The following FAM184A variants were observed in gnomAD, a reference collection of about 807,000 sequenced individuals.
The protein encoded by FAM184A is protein FAM184A.
FAM184A carries 99 observed loss-of-function variants against 143.8 expected under a neutral mutation model. The observed-to-expected ratio is 0.69, with a 90% CI of 0.58 to 0.81. FAM184A has a LOEUF of 0.81. FAM184A is among the 40% of genes least tolerant of loss of function. The pLI is 0.00. For missense variants in FAM184A, 1,217 were observed against 1,310.5 expected (o/e 0.93, Z 1.10); for synonymous variants, 427 against 446.4 (o/e 0.96, Z 0.55).
intron 1 of FAM184A, among the ~76,000 whole-genome samples, chr6:119,025,041 T>A (rs572962686): frequency 3.7e-4 from 56 of 152,344 alleles, no homozygotes; most frequent in Non-Finnish European, 6.5e-4. Flanking sequence ...GACTTTTTAG[T>A]TATAATTTTA....
At chr6:119,026,430 G>A (rs1317951629) in intron 1 of FAM184A, among the ~76,000 whole-genome samples, 1 of 151,934 alleles carries the variant, frequency 6.6e-6, no homozygotes, top group African/African-American at 2.4e-5. Context: ...AAGTCAAATG[G>A]CCATAAAAGA....
At chr6:119,069,047 A>G in intron 1 of FAM184A, 1 of 389,548 alleles carries the variant, frequency 2.6e-6, no homozygotes, top group Non-Finnish European at 5.4e-6. Flanking sequence ...AATATATGTG[A>G]AGTATTAGGT....
chr6:119,015,387 T>C (rs1785210520), intron 5 of FAM184A, among the ~76,000 whole-genome samples: 1 of 152,038 alleles, frequency 6.6e-6, no homozygotes, highest in Admixed American at 6.5e-5. Context: ...GAGTTCTGGG[T>C]GGGTGTGGGC....
In FAM184A at chr6:119,057,986, A is replaced by C. The variant is rs1040735262; in HGVS notation, c.159+20155T>G. Reference sequence around the variant, plus strand: ...ATGACTGGCTTTAAAAAAAAAAAAAAAAAACTTTGTGGCTAACCACTGAAA... The same window carrying C: ...ATGACTGGCTTTAAAAAAAAAAAAACAAAACTTTGTGGCTAACCACTGAAA... On this transcript the variant is annotated intron_variant, in intron 1 of 17. Coordinates refer to ENST00000338891, the MANE Select transcript of FAM184A (RefSeq NM_024581.6). 12 of 151,498 alleles carry C rather than the reference A, an allele frequency of 7.9e-5. No individual in the cohort carries two copies. The Middle Eastern group carries it at 0.014, about 171-fold the overall frequency. The allele number at this position is 151,498 out of a possible 1,614,324, so 9.4% of individuals were successfully genotyped here. A position where few individuals can be genotyped will look rare whatever the true frequency, so the allele number is the denominator to read the frequency against.
chr6:119,010,638 A>G (rs1785060394), intron 6 of FAM184A, among the ~76,000 whole-genome samples: 2 of 152,064 alleles, frequency 1.3e-5, no homozygotes, highest in African/African-American at 4.8e-5. Flanking sequence ...CCTCTTTTTA[A>G]ATTTTGCTTA....
chr6:119,012,657 TG>T (rs1033659542), intron 5 of FAM184A, among the ~76,000 whole-genome samples: 1 of 152,212 alleles, frequency 6.6e-6, no homozygotes, highest in African/African-American at 2.4e-5. Flanking sequence ...TCCTGTCACA[TG>T]TCAAAATTCC....
At chr6:119,025,685 G>GTGAAAT (rs1351156934) in intron 1 of FAM184A, 1 of 497,706 alleles carries the variant, frequency 2.0e-6, no homozygotes, top group Non-Finnish European at 4.0e-6. Flanking sequence ...TGGTCACACG[G>GTGAAAT]TGAAATTTTC....
At position 119,078,288 on chromosome 6, in the gene FAM184A, CG is replaced by C; in HGVS notation, c.11del (p.Pro4ArgfsTer3). MAT[P>X]GMSWQQHYYG... Reference sequence around the variant, plus strand: ...AATAGTGCTGCTGCCAGCTCATGCCCGGGGTCGCCATCTTCCCAACAGACCC... The same window carrying C: ...AATAGTGCTGCTGCCAGCTCATGCCCGGGTCGCCATCTTCCCAACAGACCC... On this transcript the variant is annotated frameshift_variant, in exon 1 of 18. Coordinates refer to ENST00000338891, the MANE Select transcript of FAM184A (RefSeq NM_024581.6). LOFTEE classifies it high-confidence loss of function. The surrounding 1 kb of genome is among the most constrained non-coding windows in gnomAD (Gnocchi z 5.5). The C allele has an allele frequency of 6.7e-7, 1 of 1,498,136 alleles. No homozygotes were observed. 92.8% of individuals were successfully genotyped at this position (1,498,136 alleles called of 1,614,324 possible). A position where few individuals can be genotyped will look rare whatever the true frequency, so the allele number is the denominator to read the frequency against.
chr6:118,976,302 C>T (rs1453746472), intron 11 of FAM184A, among the ~76,000 whole-genome samples: 1 of 152,040 alleles, frequency 6.6e-6, no homozygotes, highest in Non-Finnish European at 1.5e-5. Context: ...TTTATACATG[C>T]TTTCAGTATG....
At chr6:119,017,152 T>TA (rs1404715474) in intron 4 of FAM184A, among the ~76,000 whole-genome samples, 1 of 152,154 alleles carries the variant, frequency 6.6e-6, no homozygotes, top group Admixed American at 6.5e-5. Flanking sequence ...AGAGATAAAA[T>TA]AGACTATTAT....
chr6:119,060,648 T>C lies in FAM184A; in HGVS notation c.159+17493A>G, dbSNP rs532710748. Among the ~76,000 whole-genome samples, 6 of 152,302 alleles carry C rather than the reference T, an allele frequency of 3.9e-5. No individual in the cohort carries two copies. In the East Asian group the frequency reaches 9.6e-4, roughly 24 times the overall value. ...CTTGTCAGATGGTAATCCCCAGTGT[T>C]GGAGGTGGGGCCTGGTGGGAGGTGA... On this transcript the variant is annotated intron_variant, in intron 1 of 17. Transcript: ENST00000338891.
At chr6:119,026,386 C>T (rs1329224300) in intron 1 of FAM184A, among the ~76,000 whole-genome samples, 1 of 152,176 alleles carries the variant, frequency 6.6e-6, no homozygotes, top group Non-Finnish European at 1.5e-5. Context: ...GACTGACTTC[C>T]TATTCCCATC....
chr6:119,147,211 A>T (rs994970604), intron 1 of FAM184A, among the ~76,000 whole-genome samples: 2 of 152,162 alleles, frequency 1.3e-5, no homozygotes, highest in African/African-American at 4.8e-5. Context: ...TGACTAAGGC[A>T]GCAAATAATC....
rs773566965 is a variant in FAM184A at position 118,960,146 on chromosome 6, TCTGGAGAAGCCA to T, written c.3368_3379del (p.Val1123_Pro1126del). The stretch of plus-strand genomic sequence containing the variant: ...GGCAAACCACTCCTGGCGCTGGGGA[TCTGGAGAAGCCA>T]CTGGAGAAGCTTCACTCTGAGCAGG... On this transcript the variant is annotated inframe_deletion, in exon 18 of 18. Transcript: ENST00000338891. 499 of 1,613,366 alleles carry T rather than the reference TCTGGAGAAGCCA, an allele frequency of 3.1e-4. 6 individuals carry two copies. The highest frequency in any genetic ancestry group is 9.8e-4 in the South Asian group (89 of 91,054).
intron 9 of FAM184A, among the ~76,000 whole-genome samples, chr6:118,996,036 T>C (rs1582480820): frequency 6.6e-6 from 1 of 152,192 alleles, no homozygotes; most frequent in Non-Finnish European, 1.5e-5. Flanking sequence ...GATTTCATAG[T>C]TCCATCTCTT....
At chr6:119,090,964 C>T (rs1788348352) in intron 1 of FAM184A, among the ~76,000 whole-genome samples, 1 of 152,172 alleles carries the variant, frequency 6.6e-6, no homozygotes, top group Non-Finnish European at 1.5e-5. Flanking sequence ...TTACTGCCTT[C>T]ATTATTTAGC....
At chr6:119,095,045 G>A (rs545842164) in intron 1 of FAM184A, among the ~76,000 whole-genome samples, 4 of 152,184 alleles carry the variant, frequency 2.6e-5, no homozygotes, top group Non-Finnish European at 5.9e-5. Flanking sequence ...AGGAACTTGT[G>A]GTGGGACTCT....
At chr6:119,038,015 G>A (rs890533582) in intron 1 of FAM184A, among the ~76,000 whole-genome samples, 2 of 152,144 alleles carry the variant, frequency 1.3e-5, no homozygotes, top group African/African-American at 4.8e-5. Context: ...TGTTGAGAGA[G>A]AGAAAAATCA....
chr6:119,148,188 T>G (rs1891540), intron 1 of FAM184A, among the ~76,000 whole-genome samples: 44,679 of 151,688 alleles, frequency 0.29, 7,109 homozygotes, highest in East Asian at 0.53. Flanking sequence ...GCCAGGAGAG[T>G]GTCAGCAGAA....
Sources: allele counts gnomAD v4.1 joint callset (sites outside exome capture counted in the v4.1 genomes callset), GRCh38; gene constraint gnomAD v4.1.1; non-coding constraint Gnocchi (gnomAD v3.1); transcripts MANE v1.5; gene names NCBI Gene and HGNC (gene_info 2026-07-23, HGNC 2026-07-21).